The following DPH7 variants were observed in gnomAD, a reference collection of about 807,000 sequenced individuals.
The protein encoded by DPH7 is diphthamide biosynthesis 7, also known as diphthine methyltransferase.
DPH7 carries 44 observed loss-of-function variants against 41.7 expected under a neutral mutation model. The observed-to-expected ratio is 1.05, with a 90% CI of 0.83 to 1.36. DPH7 has a LOEUF of 1.36. Among genes scored for constraint, DPH7 ranks in the 40% most tolerant of loss-of-function variants. The pLI is 0.00. For synonymous variants in DPH7, 275 were observed against 238.0 expected, an observed-to-expected ratio of 1.16 and a Z score of -1.43; for missense variants, 629 against 577.5, an observed-to-expected ratio of 1.09 and a Z score of -0.91.
chr9:137,564,721 G>T, intron 7 of DPH7, 115 bp from the exon 8 acceptor site: 1 of 1,478,422 alleles, frequency 6.8e-7, no homozygotes, highest in Non-Finnish European at 9.2e-7. Flanking sequence ...ATCCCTCGAG[G>T]ACAAAGTCCC....
chr9:137,571,938 A>G (rs1840505044), intron 5 of DPH7, among the ~76,000 whole-genome samples: 1 of 152,232 alleles, frequency 6.6e-6, no homozygotes, highest in East Asian at 1.9e-4. Context: ...TTATTCAATC[A>G]TTGCCCTACG....
intron 5 of DPH7, among the ~76,000 whole-genome samples, chr9:137,569,253 T>A (rs1839955402): frequency 7.0e-6 from 1 of 143,364 alleles, no homozygotes; most frequent in African/African-American, 2.6e-5. Flanking sequence ...CATCTCACCA[T>A]CTATCCACCC....
At position 137,554,707 on chromosome 9, in the gene DPH7, G is replaced by C. The variant is rs1395331129; in HGVS notation, c.*532C>G. On this transcript the variant is annotated 3_prime_UTR_variant, in exon 9 of 9. Coordinates refer to ENST00000277540, the MANE Select transcript of DPH7 (RefSeq NM_138778.5). Reference sequence around the variant, plus strand: ...CTCCTGCCTCAGCCCCTTCCAAAGTGCTGGGATTACAGGCCACTGTGACTG... The same window carrying C: ...CTCCTGCCTCAGCCCCTTCCAAAGTCCTGGGATTACAGGCCACTGTGACTG... Among the ~76,000 whole-genome samples, 1 of 152,124 alleles carries C rather than the reference G, an allele frequency of 6.6e-6. No individual in the cohort carries two copies. Among genetic ancestry groups the C allele is most frequent in the Admixed American group, 6.6e-5 (1 of 15,256 alleles).
intron 4 of DPH7, 174 bp downstream of exon 4, chr9:137,574,578 T>C (rs897615113): frequency 1.2e-6 from 1 of 826,938 alleles, no homozygotes; most frequent in Non-Finnish European, 1.9e-6. Context: ...AAAAACACTA[T>C]CGCTATGTAT....
At chr9:137,570,165 G>T (rs1293653456) in intron 5 of DPH7, among the ~76,000 whole-genome samples, 1 of 115,804 alleles carries the variant, frequency 8.6e-6, no homozygotes, top group Non-Finnish European at 1.6e-5. Context: ...ATAGGTACTT[G>T]CTGAACACAC....
chr9:137,571,220 C>CT (rs1840373534), intron 5 of DPH7, among the ~76,000 whole-genome samples: 1 of 151,890 alleles, frequency 6.6e-6, no homozygotes, highest in African/African-American at 2.4e-5. Context: ...CAGAGCCTTG[C>CT]TCTCTCGCCA....
chr9:137,565,220 T>C (rs554080185), intron 5 of DPH7, 66 bp from the exon 6 acceptor site: 16 of 1,564,044 alleles, frequency 1.0e-5, no homozygotes, highest in African/African-American at 5.4e-5. Context: ...AGTTAGGCCG[T>C]TGATGTCTGT....
chr9:137,565,042 G>C (rs762780940), intron 6 of DPH7, 43 bp downstream of exon 6: 2 of 1,612,870 alleles, frequency 1.2e-6, no homozygotes, highest in South Asian at 1.1e-5. Context: ...CAGGGAACGC[G>C]GGGGCTGGTG....
chr9:137,560,232 G>A (rs766600071), intron 8 of DPH7, among the ~76,000 whole-genome samples: 1 of 152,106 alleles, frequency 6.6e-6, no homozygotes, highest in East Asian at 1.9e-4. Flanking sequence ...ACACCACCGA[G>A]GGCCTCTCCT....
chr9:137,577,240 A>T (rs765235310), intron 2 of DPH7, among the ~76,000 whole-genome samples: 1 of 152,140 alleles, frequency 6.6e-6, no homozygotes, highest in Non-Finnish European at 1.5e-5. Context: ...CAAACAAAAG[A>T]CGCCCCAGGT....
chr9:137,564,857 A>G (rs1839300840), intron 7 of DPH7, 36 bp downstream of exon 7: 2 of 1,572,974 alleles, frequency 1.3e-6, no homozygotes, highest in African/African-American at 2.7e-5. Context: ...ACAGCGAAAG[A>G]GACGAGAAGG....
At chr9:137,561,835 T>C (rs1300228007) in intron 8 of DPH7, among the ~76,000 whole-genome samples, 2 of 152,180 alleles carry the variant, frequency 1.3e-5, no homozygotes, top group Non-Finnish European at 2.9e-5. Flanking sequence ...TACATAATTC[T>C]ACAGTTAGAG....
rs1837244489 is a variant in DPH7, at chr9:137,555,211, T to C, written c.*28A>G. The C allele has an allele frequency of 1.3e-6, 2 of 1,559,734 alleles. No homozygotes were observed. Among genetic ancestry groups the C allele is most frequent in the Non-Finnish European group, 1.7e-6 (2 of 1,150,906 alleles). On this transcript the variant is annotated 3_prime_UTR_variant, in exon 9 of 9. Transcript: ENST00000277540. ...CTCGCAGTCTCCCTCCTGGTTTCCT[T>C]GTGGGAAGGGGCTTCATGATTTCAA...
Position 137,564,433 on chromosome 9 carries a change from C to T in DPH7, c.949+1G>A, listed in dbSNP as rs773775801. 28 of 1,611,838 alleles carry T rather than the reference C, an allele frequency of 1.7e-5. No homozygotes were observed. The highest frequency in any genetic ancestry group is 8.0e-5 in the African/African-American group (6 of 74,902). On this transcript the variant is annotated splice_donor_variant, in intron 8 of 8. Transcript: ENST00000277540. LOFTEE classifies it high-confidence loss of function. ...CCCAGCAGCCACGGGTCCCCACTCA[C>T]CCATTGCCTTTTGGCAGTTGAGGAT...
intron 1 of DPH7, 66 bp downstream of exon 1, chr9:137,578,559 T>C: frequency 7.2e-7 from 1 of 1,397,078 alleles, no homozygotes; most frequent in Non-Finnish European, 9.3e-7. Context: ...GGCGATTCGG[T>C]GCGCCTTTCG....
intron 5 of DPH7, among the ~76,000 whole-genome samples, chr9:137,572,677 G>A (rs561020182): frequency 6.6e-6 from 1 of 152,226 alleles, no homozygotes; most frequent in African/African-American, 2.4e-5. Flanking sequence ...ATCTCTACCT[G>A]GGAAAGAGAT....
In DPH7 at chr9:137,575,727, G is replaced by A. The variant is rs181765268; in HGVS notation, c.375+353C>T. On this transcript the variant is annotated intron_variant, in intron 3 of 8. Transcript: ENST00000277540. ...GACTCACGTGCTTTTCCAATAATCA[G>A]TGAGAAATGCCATCTTCACACAGGA... 9.3e-6 allele frequency: 10 copies of A among 1,071,238 alleles called. No individual in the cohort carries two copies. The East Asian group carries it at 4.4e-4, about 47-fold the overall frequency. The allele number at this position is 1,071,238 out of a possible 1,614,324, so 66.4% of individuals were successfully genotyped here. A position where few individuals can be genotyped will look rare whatever the true frequency, so the allele number is the denominator to read the frequency against.
chr9:137,569,676 A>C, intron 5 of DPH7, among the ~76,000 whole-genome samples: 1 of 103,162 alleles, frequency 9.7e-6, no homozygotes, highest in Non-Finnish European at 2.0e-5. Context: ...CCCACGACCC[A>C]CCACCCACCA....
intron 5 of DPH7, among the ~76,000 whole-genome samples, chr9:137,571,650 T>C (rs988073763): frequency 2.0e-5 from 3 of 151,568 alleles, no homozygotes; most frequent in African/African-American, 7.3e-5. Flanking sequence ...TAGCCGGGCA[T>C]GGCGGCAGGT....
Sources: gnomAD v4.1 joint callset for allele counts (sites outside exome capture counted in the v4.1 genomes callset) on GRCh38, gnomAD v4.1.1 for gene constraint, MANE v1.5 for transcripts, NCBI Gene and HGNC (gene_info 2026-07-23, HGNC 2026-07-21) for gene names.